The following CUBN variants were observed in gnomAD, a reference collection of about 807,000 sequenced individuals.
CUBN encodes the protein 460 kDa receptor.
In CUBN, 282 loss-of-function variants were observed where a neutral mutation model predicts 405.3. The observed-to-expected ratio is 0.70, with a 90% CI of 0.63 to 0.77. The LOEUF is 0.77. Ranked by LOEUF, CUBN falls within the 30% of genes least tolerant of loss-of-function variation. The probability of loss-of-function intolerance (pLI) is 0.00; values close to 1 mark genes in which losing one functional copy is unlikely to be tolerated. For synonymous variants in CUBN, 1,684 were observed against 1,617.0 expected (o/e 1.04, Z -0.99); for missense variants, 4,514 against 4,475.2 (o/e 1.01, Z -0.25).
intron 60 of CUBN, among the ~76,000 whole-genome samples, chr10:16,845,683 A>G (rs568846805): frequency 1.7e-4 from 26 of 152,366 alleles, no homozygotes; most frequent in Middle Eastern, 3.4e-3. Context: ...ATGCTAATTA[A>G]CACTGAACTG....
chr10:16,981,829 C>CTCTTT (rs1197151467), intron 31 of CUBN, among the ~76,000 whole-genome samples: 1 of 152,196 alleles, frequency 6.6e-6, no homozygotes, highest in Admixed American at 6.5e-5. Flanking sequence ...GTAGCAGAAA[C>CTCTTT]TCTTTTTGTC....
chr10:17,055,466 A>T (rs1835369795), intron 22 of CUBN, among the ~76,000 whole-genome samples: 1 of 152,108 alleles, frequency 6.6e-6, no homozygotes, highest in South Asian at 2.1e-4. Context: ...GAGAAGGGAA[A>T]AAATAAAACT....
chr10:16,879,104 A>G (rs1840597427), intron 56 of CUBN, among the ~76,000 whole-genome samples: 1 of 152,134 alleles, frequency 6.6e-6, no homozygotes, highest in African/African-American at 2.4e-5. Context: ...TTAGCCCCCA[A>G]ATTAGGTATG....
At chr10:16,940,665 T>C (rs935964693) in intron 36 of CUBN, among the ~76,000 whole-genome samples, 1 of 152,134 alleles carries the variant, frequency 6.6e-6, no homozygotes, top group African/African-American at 2.4e-5. Flanking sequence ...CTATAGATGG[T>C]GGGCAAAGAA....
At chr10:16,860,266 T>G (rs1180920495) in intron 59 of CUBN, among the ~76,000 whole-genome samples, 3 of 152,072 alleles carry the variant, frequency 2.0e-5, no homozygotes, top group African/African-American at 7.2e-5. Flanking sequence ...GCCAAATATA[T>G]TCTTCAGGAT....
chr10:16,905,454 T>C (rs1328749553), intron 50 of CUBN, among the ~76,000 whole-genome samples: 2 of 152,176 alleles, frequency 1.3e-5, no homozygotes, highest in Admixed American at 6.5e-5. Flanking sequence ...TGTTTCTCCA[T>C]CTGGTATATT....
chr10:16,902,298 GTGTATATATAGTATATATATT>G (rs1439651598), intron 51 of CUBN, among the ~76,000 whole-genome samples: 1 of 134,726 alleles, frequency 7.4e-6, no homozygotes, highest in Non-Finnish European at 1.6e-5. Context: ...ATATATATTT[GTGTATATATAGTATATATATT>G]TGTATATATA....
intron 59 of CUBN, among the ~76,000 whole-genome samples, chr10:16,852,836 G>A (rs1442873316): frequency 1.3e-5 from 2 of 152,272 alleles, no homozygotes; most frequent in African/African-American, 4.8e-5. Context: ...GAAAATTGCT[G>A]CCAACAAATC....
intron 44 of CUBN, among the ~76,000 whole-genome samples, 183 bp downstream of exon 44, chr10:16,919,780 C>T (rs982953635): frequency 2.0e-5 from 3 of 152,148 alleles, no homozygotes; most frequent in East Asian, 1.9e-4. Context: ...CGTACATAAC[C>T]GGCTCAGCTG....
At chr10:17,065,779 A>C in intron 21 of CUBN, 141 bp from the exon 22 acceptor site, 1 of 1,025,650 alleles carries the variant, frequency 9.7e-7, no homozygotes. Context: ...AATATATTTC[A>C]GGCAAAAAAG....
At chr10:16,931,771 G>A (rs1455449828) in intron 40 of CUBN, among the ~76,000 whole-genome samples, 1 of 152,074 alleles carries the variant, frequency 6.6e-6, no homozygotes, top group Non-Finnish European at 1.5e-5. Context: ...CAGGAAAAAA[G>A]GACTGCTCCC....
chr10:16,908,999 C>G (rs886393354), intron 48 of CUBN, among the ~76,000 whole-genome samples: 2 of 151,312 alleles, frequency 1.3e-5, no homozygotes, highest in Admixed American at 1.3e-4. Context: ...TCTCCTGCCT[C>G]AGCCTCCCGA....
intron 54 of CUBN, among the ~76,000 whole-genome samples, chr10:16,898,257 T>C (rs1316755100): frequency 6.6e-6 from 1 of 152,226 alleles, no homozygotes; most frequent in Non-Finnish European, 1.5e-5. Flanking sequence ...TTACATCGTA[T>C]TATCTCCAAT....
intron 36 of CUBN, 136 bp downstream of exon 36, chr10:16,947,099 G>C (rs1842806667): frequency 3.4e-6 from 3 of 894,790 alleles, no homozygotes; most frequent in Non-Finnish European, 5.4e-6. Flanking sequence ...CTCAAACTAT[G>C]ACTGAAACAG....
At chr10:17,096,805 G>A (rs1836383530) in intron 14 of CUBN, among the ~76,000 whole-genome samples, 1 of 151,970 alleles carries the variant, frequency 6.6e-6, no homozygotes, top group Non-Finnish European at 1.5e-5. Flanking sequence ...CATGATTAGT[G>A]ATCACATTGG....
chr10:17,127,949 A>G, intron 2 of CUBN, 25 bp from the exon 3 acceptor site: 1 of 1,441,720 alleles, frequency 6.9e-7, no homozygotes. Context: ...AGAAGAAGAA[A>G]TGAAGAGCAC....
At chr10:16,973,265 C>T (rs962936716) in intron 31 of CUBN, among the ~76,000 whole-genome samples, 13 of 152,180 alleles carry the variant, frequency 8.5e-5, no homozygotes, top group Non-Finnish European at 1.6e-4. Flanking sequence ...TTTCTACTGG[C>T]GAGACTCTGC....
At chr10:17,081,664 G>A (rs1439850100) in intron 17 of CUBN, among the ~76,000 whole-genome samples, 3 of 151,974 alleles carry the variant, frequency 2.0e-5, no homozygotes, top group African/African-American at 4.8e-5. Context: ...TTTAGAAAAC[G>A]GGTTCAGTTC....
chr10:16,876,721 T>C (rs1219729104), intron 57 of CUBN, among the ~76,000 whole-genome samples, 176 bp downstream of exon 57: 2 of 152,236 alleles, frequency 1.3e-5, no homozygotes, highest in African/African-American at 4.8e-5. Flanking sequence ...AAGGTCCTCT[T>C]CTTTTTAAGA....
Sources: allele counts gnomAD v4.1 joint callset (sites outside exome capture counted in the v4.1 genomes callset), GRCh38; gene constraint gnomAD v4.1.1; transcripts MANE v1.5; gene names NCBI Gene and HGNC (gene_info 2026-07-23, HGNC 2026-07-21).